The following ADGRB3 variants were observed in gnomAD, a reference collection of about 807,000 sequenced individuals.
ADGRB3 encodes the protein brain-specific angiogenesis inhibitor 3.
In ADGRB3, 37 loss-of-function variants were observed where a neutral mutation model predicts 193.4. That is an observed-to-expected ratio of 0.19 (90% CI 0.15 to 0.25). The LOEUF is 0.25. Ranked by LOEUF, ADGRB3 falls within the 10% of genes least tolerant of loss-of-function variation. The probability of loss-of-function intolerance (pLI) is 1.00; values close to 1 mark genes in which losing one functional copy is unlikely to be tolerated. For synonymous variants in ADGRB3, 690 were observed against 644.2 expected (o/e 1.07, Z -1.08); for missense variants, 1,637 against 1,852.9 (o/e 0.88, Z 2.14).
intron 11 of ADGRB3, among the ~76,000 whole-genome samples, chr6:69,005,439 G>A (rs973233236): frequency 6.6e-6 from 1 of 152,024 alleles, no homozygotes; most frequent in African/African-American, 2.4e-5. Context: ...TCATGGCAAA[G>A]CAATGAGATT....
intron 20 of ADGRB3, among the ~76,000 whole-genome samples, chr6:69,284,059 G>A (rs191646754): frequency 5.3e-5 from 8 of 152,178 alleles, no homozygotes; most frequent in African/African-American, 1.2e-4. Flanking sequence ...CCAAAATTAC[G>A]TTTGCTACTG....
chr6:68,994,080 T>G, intron 11 of ADGRB3, 118 bp downstream of exon 11: 1 of 941,230 alleles, frequency 1.1e-6, no homozygotes. Flanking sequence ...CTCATCCAAG[T>G]TATGCTTAGT....
intron 3 of ADGRB3, among the ~76,000 whole-genome samples, chr6:68,731,335 C>T (rs925028735): frequency 1.3e-5 from 2 of 150,812 alleles, no homozygotes; most frequent in South Asian, 4.2e-4. Context: ...TATTTATGTT[C>T]AATTCATTTA....
At chr6:69,204,300 T>C (rs1369226166) in intron 17 of ADGRB3, among the ~76,000 whole-genome samples, 2 of 152,194 alleles carry the variant, frequency 1.3e-5, no homozygotes, top group Non-Finnish European at 2.9e-5. Context: ...ACATTTTTTT[T>C]CCTGCAACAC....
chr6:68,751,666 T>A (rs538642156), intron 3 of ADGRB3, among the ~76,000 whole-genome samples: 2 of 152,272 alleles, frequency 1.3e-5, no homozygotes, highest in South Asian at 4.1e-4. Context: ...GAAAAGCTGA[T>A]GTATTTTTAA....
intron 20 of ADGRB3, among the ~76,000 whole-genome samples, chr6:69,247,786 A>C (rs1194429397): frequency 6.6e-6 from 1 of 152,178 alleles, no homozygotes; most frequent in Non-Finnish European, 1.5e-5. Context: ...TGTTGAATGA[A>C]TGAATGAACT....
At chr6:68,967,728 C>A (rs1416847121) in intron 8 of ADGRB3, among the ~76,000 whole-genome samples, 7 of 151,736 alleles carry the variant, frequency 4.6e-5, no homozygotes, top group African/African-American at 1.5e-4. Context: ...AATAAATCAG[C>A]TAAAAACATG....
chr6:68,659,387 A>T (rs143183110), intron 3 of ADGRB3, among the ~76,000 whole-genome samples: 76 of 151,070 alleles, frequency 5.0e-4, no homozygotes, highest in African/African-American at 1.7e-3. Context: ...AAAAATAGGA[A>T]GGAGAAAATA....
chr6:69,138,346 C>T (rs1774215155), intron 17 of ADGRB3, among the ~76,000 whole-genome samples: 1 of 152,162 alleles, frequency 6.6e-6, no homozygotes, highest in South Asian at 2.1e-4. Context: ...TATTCAGCTG[C>T]CAATTCCCAA....
chr6:69,343,596 T>G (rs1346906796), intron 26 of ADGRB3, among the ~76,000 whole-genome samples: 1 of 152,132 alleles, frequency 6.6e-6, no homozygotes, highest in East Asian at 1.9e-4. Flanking sequence ...TGTTCTGACC[T>G]TCAGACCTAA....
chr6:68,938,894 G>T (rs1582331033), intron 5 of ADGRB3, among the ~76,000 whole-genome samples: 1 of 152,146 alleles, frequency 6.6e-6, no homozygotes, highest in South Asian at 2.1e-4. Flanking sequence ...TAATCAGCCT[G>T]TGTTTGAATA....
intron 20 of ADGRB3, among the ~76,000 whole-genome samples, chr6:69,249,887 C>CTACGAAATTTAAGATG (rs1554183800): frequency 6.6e-6 from 1 of 152,120 alleles, no homozygotes; most frequent in Non-Finnish European, 1.5e-5. Flanking sequence ...TGGGTCTTGA[C>CTACGAAATTTAAGATG]TATGAAATTT....
At chr6:69,287,194 C>T (rs759778532) in intron 20 of ADGRB3, among the ~76,000 whole-genome samples, 1 of 152,118 alleles carries the variant, frequency 6.6e-6, no homozygotes, top group Non-Finnish European at 1.5e-5. Context: ...TTTACCTCTG[C>T]CCTTCAAGTT....
Position 69,307,157 on chromosome 6 carries a change from T to C in ADGRB3, c.2815-17715T>C, listed in dbSNP as rs188238874. 1.1e-3 allele frequency among the ~76,000 whole-genome samples: 168 copies of C among 151,574 alleles called. 5 individuals carry two copies. Among genetic ancestry groups the C allele is most frequent in the African/African-American group, 3.7e-3 (154 of 41,226 alleles). On this transcript the variant is annotated intron_variant, in intron 20 of 31. Coordinates refer to ENST00000370598, the MANE Select transcript of ADGRB3 (RefSeq NM_001704.3). ...AACTAGAGTAAGAAGTACAGTTGCA[T>C]TGCATTCTCAGTAACTGCTCCTTTT...
At chr6:69,002,442 C>T (rs1373412405) in intron 11 of ADGRB3, among the ~76,000 whole-genome samples, 1 of 152,238 alleles carries the variant, frequency 6.6e-6, no homozygotes, top group East Asian at 1.9e-4. Context: ...TGGTCTTGAT[C>T]TCCTGACCTC....
At chr6:69,146,585 A>G (rs929185124) in intron 17 of ADGRB3, among the ~76,000 whole-genome samples, 1 of 151,990 alleles carries the variant, frequency 6.6e-6, no homozygotes, top group African/African-American at 2.4e-5. Context: ...TGCCCTGACA[A>G]CTCTGAAGGG....
chr6:69,286,136 A>G (rs902565102), intron 20 of ADGRB3, among the ~76,000 whole-genome samples: 1 of 152,156 alleles, frequency 6.6e-6, no homozygotes, highest in African/African-American at 2.4e-5. Flanking sequence ...TTTCTAAGGA[A>G]AGTCTGGCAT....
chr6:68,965,262 G>A (rs1197288511), intron 8 of ADGRB3, among the ~76,000 whole-genome samples: 1 of 152,108 alleles, frequency 6.6e-6, no homozygotes, highest in African/African-American at 2.4e-5. Context: ...GACCTTAGCA[G>A]CAGCATGAAT....
At chr6:69,111,648 T>C (rs1773368929) in intron 17 of ADGRB3, among the ~76,000 whole-genome samples, 1 of 152,248 alleles carries the variant, frequency 6.6e-6, no homozygotes, top group Non-Finnish European at 1.5e-5. Context: ...TCTACTTTTT[T>C]AGTCAGTTTG....
Sources: allele counts gnomAD v4.1 joint callset (sites outside exome capture counted in the v4.1 genomes callset), GRCh38; gene constraint gnomAD v4.1.1; transcripts MANE v1.5; gene names NCBI Gene and HGNC (gene_info 2026-07-23, HGNC 2026-07-21).